LRRFIP1: variants seen among roughly 807,000 people sequenced by gnomAD.
LRRFIP1 encodes the protein LRR binding FLII interacting protein 1.
In LRRFIP1, 62 loss-of-function variants were observed where a neutral mutation model predicts 104.4. The ratio of observed to expected loss-of-function variants is 0.59; its 90% CI spans 0.48 to 0.73. The LOEUF (loss-of-function observed/expected upper bound fraction) is 0.73, where lower values mean the gene tolerates loss of function less well. LRRFIP1 is among the 30% of genes least tolerant of loss of function. LRRFIP1 has a pLI of 0.00. For synonymous variants in LRRFIP1, 300 were observed against 299.0 expected, an observed-to-expected ratio of 1.00 and a Z score of -0.03; for missense variants, 796 against 824.5, an observed-to-expected ratio of 0.97 and a Z score of 0.42.
intron 3 of LRRFIP1, among the ~76,000 whole-genome samples, chr2:237,716,368 A>ATGTCCTTTTTGTCTTTTT (rs913142664): frequency 6.6e-6 from 1 of 151,910 alleles, no homozygotes; most frequent in African/African-American, 2.4e-5. Flanking sequence ...GATATGGCTC[A>ATGTCCTTTTTGTCTTTTT]TGTCCTTTTT....
chr2:237,632,053 T>C (rs13402311), intron 1 of LRRFIP1, among the ~76,000 whole-genome samples: 67,624 of 151,930 alleles, frequency 0.45, 15,275 homozygotes, highest in African/African-American at 0.46. Context: ...CGGGTGCTGT[T>C]GGTTCAGGCC....
intron 1 of LRRFIP1, among the ~76,000 whole-genome samples, chr2:237,687,413 T>G (rs924764665): frequency 3.9e-5 from 6 of 152,064 alleles, no homozygotes; most frequent in Non-Finnish European, 8.8e-5. Flanking sequence ...GAGACCAGCC[T>G]GGCCAACATG....
intron 1 of LRRFIP1, among the ~76,000 whole-genome samples, chr2:237,669,555 A>T (rs1269547379): frequency 1.1e-4 from 16 of 152,084 alleles, no homozygotes. Context: ...TTAGATTAGG[A>T]ACTGAATATC....
chr2:237,646,669 C>A (rs1350680801), intron 1 of LRRFIP1, among the ~76,000 whole-genome samples: 1 of 151,816 alleles, frequency 6.6e-6, no homozygotes, highest in Non-Finnish European at 1.5e-5. Context: ...AGAATTATTG[C>A]CCTTGTAAGA....
intron 19 of LRRFIP1, among the ~76,000 whole-genome samples, chr2:237,761,665 T>C (rs2059886374): frequency 6.6e-6 from 1 of 152,250 alleles, no homozygotes; most frequent in African/African-American, 2.4e-5. Flanking sequence ...AAATGTACGT[T>C]ATAAAATATA....
chr2:237,662,980 G>A (rs1239807857), intron 1 of LRRFIP1, among the ~76,000 whole-genome samples: 1 of 152,178 alleles, frequency 6.6e-6, no homozygotes, highest in East Asian at 1.9e-4. Context: ...TTACAAGTGA[G>A]TATAAACAGG....
intron 10 of LRRFIP1, among the ~76,000 whole-genome samples, chr2:237,738,660 T>C (rs979101100): frequency 3.3e-5 from 5 of 152,260 alleles, no homozygotes; most frequent in Non-Finnish European, 7.3e-5. Context: ...GTATTTTCCT[T>C]TACCAGAAGT....
chr2:237,714,362 T>C, intron 3 of LRRFIP1, 86 bp downstream of exon 3: 1 of 1,030,938 alleles, frequency 9.7e-7, no homozygotes, highest in Non-Finnish European at 1.5e-6. Flanking sequence ...AATAACACCT[T>C]GCACTGAAGA....
At chr2:237,706,658 C>T (rs1041979513) in intron 1 of LRRFIP1, among the ~76,000 whole-genome samples, 5 of 152,212 alleles carry the variant, frequency 3.3e-5, no homozygotes, top group African/African-American at 4.8e-5. Context: ...GACAGGGTCT[C>T]ACTCTGTCAC....
rs1413869073 is a variant in LRRFIP1 at position 237,627,596 on chromosome 2, C to A, written c.-49C>A. The A allele has an allele frequency of 5.3e-5, 59 of 1,106,450 alleles. No homozygotes were observed. The highest frequency in any genetic ancestry group is 6.0e-5 in the Non-Finnish European group (53 of 889,400). The allele number at this position is 1,106,450 out of a possible 1,614,324, so 68.5% of individuals were successfully genotyped here. On this transcript the variant is annotated 5_prime_UTR_variant, in exon 1 of 24. Coordinates refer to ENST00000308482, the MANE Select transcript of LRRFIP1 (RefSeq NM_001137550.2). ...GGGCCGGGGCCGGGCCGGGGCGGCG[C>A]GAGCGGCTGGAGCAACGGGCCCCGC...
chr2:237,756,799 T>C (rs964059737), intron 16 of LRRFIP1, among the ~76,000 whole-genome samples: 5 of 152,212 alleles, frequency 3.3e-5, no homozygotes, highest in Non-Finnish European at 5.9e-5. Flanking sequence ...CCCTGGAAAC[T>C]GTAAATATGA....
chr2:237,758,693 A>G (rs1297096985), intron 17 of LRRFIP1, 36 bp from the exon 18 acceptor site: 2 of 1,495,388 alleles, frequency 1.3e-6, no homozygotes, highest in African/African-American at 1.4e-5. Context: ...ATCTGTGCAA[A>G]TCTTCTTCTT....
At chr2:237,740,513 C>T (rs1379435730) in intron 11 of LRRFIP1, among the ~76,000 whole-genome samples, 2 of 152,136 alleles carry the variant, frequency 1.3e-5, no homozygotes, top group African/African-American at 4.8e-5. Flanking sequence ...GCGTGCTGAT[C>T]CCTACAATTT....
chr2:237,765,539 G>A, intron 19 of LRRFIP1: 1 of 971,446 alleles, frequency 1.0e-6, no homozygotes, highest in South Asian at 4.8e-5. Context: ...ACTTGTTCTT[G>A]TACAAGCTAC....
intron 11 of LRRFIP1, among the ~76,000 whole-genome samples, chr2:237,745,039 A>C (rs553866648): frequency 1.3e-5 from 2 of 152,350 alleles, no homozygotes; most frequent in East Asian, 3.9e-4. Context: ...TCATCATTTT[A>C]GGGAGGAAGT....
chr2:237,721,044 C>G (rs563260471), intron 6 of LRRFIP1: 2 of 498,950 alleles, frequency 4.0e-6, no homozygotes, highest in Non-Finnish European at 7.4e-6. Context: ...TTCTTTCTCC[C>G]GAGATGAAGT....
chr2:237,636,097 CAAA>C (rs58896300), intron 1 of LRRFIP1, among the ~76,000 whole-genome samples: 31,803 of 126,966 alleles, frequency 0.25, 3,893 homozygotes, highest in East Asian at 0.49. Flanking sequence ...AACTCTGTCT[CAAA>C]AAAAAAAAAA....
intron 1 of LRRFIP1, among the ~76,000 whole-genome samples, chr2:237,701,944 G>C (rs964547067): frequency 6.6e-6 from 1 of 152,218 alleles, no homozygotes; most frequent in Non-Finnish European, 1.5e-5. Flanking sequence ...AGACCCTGCA[G>C]GGGGAGAAGG....
intron 1 of LRRFIP1, among the ~76,000 whole-genome samples, chr2:237,696,734 T>A (rs59879387): frequency 0.038 from 5,820 of 152,306 alleles, 332 homozygotes; most frequent in African/African-American, 0.13. Flanking sequence ...CTGTCACCAC[T>A]GTATGCAATG....
Sources: gnomAD v4.1 joint callset for allele counts (sites outside exome capture counted in the v4.1 genomes callset) on GRCh38, gnomAD v4.1.1 for gene constraint, MANE v1.5 for transcripts, NCBI Gene and HGNC (gene_info 2026-07-23, HGNC 2026-07-21) for gene names.